ADAM20: variants seen among roughly 807,000 people sequenced by gnomAD.
The protein encoded by ADAM20 is disintegrin and metalloproteinase domain-containing protein 20.
For synonymous variants in ADAM20, 305 were observed against 310.2 expected (o/e 0.98, Z 0.18); for missense variants, 871 against 883.2 (o/e 0.99, Z 0.18).
chr14:70,571,773 A>G, the ADAM20 span, among the ~76,000 whole-genome samples: 2 of 152,196 alleles, frequency 1.3e-5, no homozygotes, highest in Admixed American at 6.5e-5. Flanking sequence ...GACCTGATAA[A>G]CAAATTCAGT....
At chr14:70,562,637 TAGTG>T in the ADAM20 span, among the ~76,000 whole-genome samples, 11 of 152,308 alleles carry the variant, frequency 7.2e-5, no homozygotes, top group East Asian at 1.5e-3. Flanking sequence ...GTTCTCATGA[TAGTG>T]AGTGAGTTCT....
chr14:70,574,720 G>T, the ADAM20 span, among the ~76,000 whole-genome samples: 2 of 151,954 alleles, frequency 1.3e-5, no homozygotes, highest in Admixed American at 1.3e-4. Flanking sequence ...AGAGAAAAAC[G>T]AAGCCTGGTG....
chr14:70,534,776 G>C (rs1226999857), intron 1 of ADAM20, 21 bp downstream of exon 1: 1 of 152,056 alleles, frequency 6.6e-6, no homozygotes, highest in East Asian at 1.9e-4. Context: ...TAATACTGTA[G>C]CTCCTTCTAG....
the ADAM20 span, among the ~76,000 whole-genome samples, chr14:70,558,856 C>G: frequency 6.6e-6 from 1 of 152,140 alleles, no homozygotes; most frequent in Non-Finnish European, 1.5e-5. Context: ...CATGGGATCA[C>G]TTCAGTAGCT....
At chr14:70,547,564 T>A in the ADAM20 span, 4 of 91,510 alleles carry the variant, frequency 4.4e-5, no homozygotes, top group African/African-American at 1.3e-4. Flanking sequence ...GAAAATCGGG[T>A]CACTCCCACC....
At chr14:70,573,598 G>A in the ADAM20 span, among the ~76,000 whole-genome samples, 28 of 152,248 alleles carry the variant, frequency 1.8e-4, no homozygotes, top group African/African-American at 6.7e-4. Flanking sequence ...GAGTGGCTGA[G>A]TGACTACAAA....
At chr14:70,557,637 T>C in the ADAM20 span, among the ~76,000 whole-genome samples, 1 of 152,262 alleles carries the variant, frequency 6.6e-6, no homozygotes, top group Non-Finnish European at 1.5e-5. Flanking sequence ...TAGTGCATGA[T>C]CACTGTCCAG....
chr14:70,564,283 CA>C, the ADAM20 span, among the ~76,000 whole-genome samples: 1 of 152,204 alleles, frequency 6.6e-6, no homozygotes, highest in Non-Finnish European at 1.5e-5. Flanking sequence ...GCTTTGTCCC[CA>C]AACTTTCAGT....
the ADAM20 span, among the ~76,000 whole-genome samples, chr14:70,546,769 C>A: frequency 6.6e-6 from 1 of 151,672 alleles, no homozygotes; most frequent in Admixed American, 6.6e-5. Flanking sequence ...CAACAGCAAA[C>A]CAAACCCCAA....
chr14:70,573,428 AG>A, the ADAM20 span, among the ~76,000 whole-genome samples: 1 of 152,228 alleles, frequency 6.6e-6, no homozygotes, highest in African/African-American at 2.4e-5. Context: ...AGGGATTCCA[AG>A]GGTGGGGGAC....
chr14:70,535,373 T>C (rs1325595845), upstream of ADAM20, among the ~76,000 whole-genome samples: 1 of 152,160 alleles, frequency 6.6e-6, no homozygotes, highest in Non-Finnish European at 1.5e-5. Context: ...ATAAGTTGAA[T>C]ACATAGATAC....
At chr14:70,560,805 C>T in the ADAM20 span, among the ~76,000 whole-genome samples, 1 of 152,164 alleles carries the variant, frequency 6.6e-6, no homozygotes, top group Admixed American at 6.5e-5. Context: ...TGAGGCCTCC[C>T]AGTCATGCTT....
the ADAM20 span, among the ~76,000 whole-genome samples, chr14:70,557,975 A>C: frequency 6.6e-6 from 1 of 152,146 alleles, no homozygotes; most frequent in Non-Finnish European, 1.5e-5. Context: ...CTTAAAAAGG[A>C]CTCATTTCTC....
chr14:70,576,756 T>G, the ADAM20 span, among the ~76,000 whole-genome samples: 1 of 152,040 alleles, frequency 6.6e-6, no homozygotes, highest in Admixed American at 6.6e-5. Flanking sequence ...GGAAGGAGAA[T>G]GGGCTTTGTA....
chr14:70,540,311 A>G, the ADAM20 span, among the ~76,000 whole-genome samples: 1 of 152,192 alleles, frequency 6.6e-6, no homozygotes, highest in South Asian at 2.1e-4. Flanking sequence ...TATGTGTGCA[A>G]TGTCTATTTT....
the ADAM20 span, among the ~76,000 whole-genome samples, chr14:70,568,371 GA>G: frequency 6.6e-6 from 1 of 151,588 alleles, no homozygotes; most frequent in Non-Finnish European, 1.5e-5. Context: ...AAAAAGGATT[GA>G]AAAATTAAAA....
In ADAM20 at chr14:70,524,508, C is replaced by T; in HGVS notation, c.250G>A (p.Ala84Thr). 3 of 1,614,008 alleles carry T rather than the reference C, an allele frequency of 1.9e-6. No homozygotes were observed. The highest frequency in any genetic ancestry group is 2.5e-6 in the Non-Finnish European group (3 of 1,179,942). Reference protein sequence around the residue: ...VHMRVNKLLFAAHLPVFTYTE... With the variant: ...VHMRVNKLLFTAHLPVFTYTE... ...TAGGTGAACACAGGAAGGTGTGCAG[C>T]AAACAACAGCTTATTTACCCTCATG... is the stretch of plus-strand genomic sequence containing the variant. The change falls in exon 2 of 2, where the codon GCT (alanine) becomes ACT (threonine). Residue 84 changes from alanine to threonine, a missense_variant. Transcript: ENST00000256389.
chr14:70,577,936 A>G, the ADAM20 span, among the ~76,000 whole-genome samples: 60 of 152,164 alleles, frequency 3.9e-4, 2 homozygotes, highest in Non-Finnish European at 2.8e-4. Context: ...CTTAGAAGAA[A>G]ACATAAGGGA....
At chr14:70,572,811 G>A in the ADAM20 span, among the ~76,000 whole-genome samples, 3 of 151,958 alleles carry the variant, frequency 2.0e-5, no homozygotes, top group South Asian at 4.2e-4. Flanking sequence ...GGACATACAA[G>A]CAGCCAAAAA....
Sources: gnomAD v4.1 joint callset for allele counts (sites outside exome capture counted in the v4.1 genomes callset) on GRCh38, gnomAD v4.1.1 for gene constraint, MANE v1.5 for transcripts, NCBI Gene and HGNC (gene_info 2026-07-23, HGNC 2026-07-21) for gene names.